Variants in KAZN observed in about 807,000 individuals in gnomAD.
The protein encoded by KAZN is kazrin, periplakin interacting protein, also known as kazrin.
A neutral mutation model predicts 87.4 loss-of-function variants in KAZN; 40 were observed. That is an observed-to-expected ratio of 0.46 (90% CI 0.36 to 0.60). KAZN has a LOEUF of 0.60. KAZN is among the 20% of genes least tolerant of loss of function. KAZN has a pLI of 0.00. For missense variants in KAZN, 898 were observed against 1,073.9 expected, an observed-to-expected ratio of 0.84 and a Z score of 2.29; for synonymous variants, 466 against 458.3, an observed-to-expected ratio of 1.02 and a Z score of -0.22.
chr1:14,925,980 G>A (rs574348594), intron 1 of KAZN, among the ~76,000 whole-genome samples: 1 of 152,250 alleles, frequency 6.6e-6, no homozygotes, highest in African/African-American at 2.4e-5. Flanking sequence ...TCTGTACAGT[G>A]GAAATAATAA....
chr1:14,952,719 C>T (rs1005012904), intron 1 of KAZN, among the ~76,000 whole-genome samples: 2 of 152,044 alleles, frequency 1.3e-5, no homozygotes, highest in Non-Finnish European at 2.9e-5. Flanking sequence ...TCAGCACATT[C>T]ATCTCTGCTG....
At chr1:14,985,237 C>T (rs1158168541) in intron 2 of KAZN, among the ~76,000 whole-genome samples, 2 of 116,154 alleles carry the variant, frequency 1.7e-5, no homozygotes, top group African/African-American at 8.3e-5. Context: ...CCTATAATCC[C>T]AGAACTTTGG....
chr1:14,670,554 C>T (rs138010866), intron 1 of KAZN, among the ~76,000 whole-genome samples: 1 of 152,152 alleles, frequency 6.6e-6, no homozygotes, highest in Non-Finnish European at 1.5e-5. Context: ...CCCCGGATAC[C>T]ATGAACTCAT....
chr1:14,633,867 A>G (rs953983607), intron 1 of KAZN, among the ~76,000 whole-genome samples: 1 of 149,868 alleles, frequency 6.7e-6, no homozygotes. Context: ...TTGCGCGCGC[A>G]CTCTCTCTCT....
intron 2 of KAZN, among the ~76,000 whole-genome samples, chr1:15,003,252 AAC>A (rs944484325): frequency 2.0e-4 from 31 of 152,148 alleles, no homozygotes; most frequent in African/African-American, 7.5e-4. Flanking sequence ...TAAATTGCAA[AAC>A]ACAGGGCGTG....
At chr1:14,467,771 G>A (rs1389091028) in intron 2 of KAZN, among the ~76,000 whole-genome samples, 1 of 151,658 alleles carries the variant, frequency 6.6e-6, no homozygotes, top group Non-Finnish European at 1.5e-5. Flanking sequence ...CTCACCTAAG[G>A]TTTCTTCTCT....
At chr1:14,194,440 C>T (rs753997019) in intron 2 of KAZN, among the ~76,000 whole-genome samples, 1 of 152,160 alleles carries the variant, frequency 6.6e-6, no homozygotes, top group African/African-American at 2.4e-5. Context: ...TGGACTGTTA[C>T]TTGCTCTTTT....
At chr1:14,413,125 T>C (rs1360887214) in intron 2 of KAZN, among the ~76,000 whole-genome samples, 1 of 150,420 alleles carries the variant, frequency 6.6e-6, no homozygotes, top group East Asian at 1.9e-4. Context: ...TAATCTATGA[T>C]AGTAGATTAG....
chr1:14,235,126 A>C (rs1648280218), intron 2 of KAZN, among the ~76,000 whole-genome samples: 2 of 152,258 alleles, frequency 1.3e-5, no homozygotes, highest in Admixed American at 1.3e-4. Flanking sequence ...CAAAAAGTGG[A>C]AACAAAAATG....
chr1:14,514,492 T>TGTAAA (rs1338130543), intron 2 of KAZN, among the ~76,000 whole-genome samples: 43 of 70,632 alleles, frequency 6.1e-4, no homozygotes, highest in African/African-American at 2.7e-3. Flanking sequence ...TAAATATTTA[T>TGTAAA]ATATGTAAAA....
chr1:13,988,984 T>C lies in KAZN; in HGVS notation c.91+95228T>C, dbSNP rs150989479. The stretch of plus-strand genomic sequence containing the variant: ...GTAATTTACAAAAAACAGAAATCTA[T>C]TGGCTTACAGTTACAGAGGCTAAGA... On this transcript the variant is annotated intron_variant, in intron 1 of 16. Transcript: ENST00000636203. 4.9e-3 allele frequency among the ~76,000 whole-genome samples: 744 copies of C among 152,254 alleles called. 10 individuals are homozygous for C. The highest frequency in any genetic ancestry group is 0.017 in the African/African-American group (711 of 41,542).
intron 2 of KAZN, among the ~76,000 whole-genome samples, chr1:14,319,826 TC>T (rs1212619316): frequency 6.6e-6 from 1 of 152,176 alleles, no homozygotes; most frequent in Non-Finnish European, 1.5e-5. Context: ...ATAAACCCAC[TC>T]CCTGTTTTTC....
chr1:14,294,380 A>G (rs1653952909), intron 2 of KAZN, among the ~76,000 whole-genome samples: 1 of 152,112 alleles, frequency 6.6e-6, no homozygotes, highest in African/African-American at 2.4e-5. Flanking sequence ...GATATACTGC[A>G]GTCTCAAAAA....
chr1:13,910,663 C>T (rs1199734036), intron 1 of KAZN, among the ~76,000 whole-genome samples: 2 of 152,074 alleles, frequency 1.3e-5, no homozygotes. Context: ...GTACAGCCTA[C>T]AGAACCGTAG....
rs544854598 is a variant in KAZN, at chr1:14,508,941, T to C, written c.250-90042T>C. On this transcript the variant is annotated intron_variant, in intron 2 of 16. Transcript: ENST00000636203. ...TTCTGGGATCATTGCTTGCCTGTTC[T>C]GTCCTGTAAGAAAGCAGAGACCACA... Among the ~76,000 whole-genome samples the C allele has an allele frequency of 3.3e-5, 5 of 152,314 alleles. No individual in the cohort carries two copies. In the South Asian group the frequency reaches 1.0e-3, roughly 32 times the overall value.
At chr1:14,721,684 C>T (rs1643116738) in intron 1 of KAZN, among the ~76,000 whole-genome samples, 1 of 152,182 alleles carries the variant, frequency 6.6e-6, no homozygotes, top group African/African-American at 2.4e-5. Flanking sequence ...CAACACATTT[C>T]TGGGTTTTCA....
chr1:14,052,993 C>T (rs1375964864), intron 1 of KAZN, among the ~76,000 whole-genome samples: 1 of 152,164 alleles, frequency 6.6e-6, no homozygotes, highest in Non-Finnish European at 1.5e-5. Flanking sequence ...CTTGTGTATT[C>T]CCTGCCCCTT....
intron 13 of KAZN, among the ~76,000 whole-genome samples, chr1:15,110,188 GTA>G (rs1263540555): frequency 9.6e-6 from 1 of 104,494 alleles, no homozygotes; most frequent in African/African-American, 3.0e-5. Context: ...TGTGTGTTGT[GTA>G]TGTGTGTATG....
intron 1 of KAZN, among the ~76,000 whole-genome samples, chr1:14,915,053 G>A (rs1657656347): frequency 6.6e-6 from 1 of 152,176 alleles, no homozygotes; most frequent in African/African-American, 2.4e-5. Flanking sequence ...CGGGCGTGGT[G>A]GTGCATGCCT....
Sources: allele counts gnomAD v4.1 joint callset (sites outside exome capture counted in the v4.1 genomes callset), GRCh38; gene constraint gnomAD v4.1.1; transcripts MANE v1.5; gene names NCBI Gene and HGNC (gene_info 2026-07-23, HGNC 2026-07-21).